The following ADK variants were observed in gnomAD, a reference collection of about 807,000 sequenced individuals.
ADK encodes the protein N6,N6-dimethyladenosine kinase.
A neutral mutation model predicts 44.7 loss-of-function variants in ADK; 24 were observed. The ratio of observed to expected loss-of-function variants is 0.54; its 90% CI spans 0.39 to 0.76. ADK has a LOEUF of 0.76. Among genes scored for constraint, ADK ranks in the 30% least tolerant of loss-of-function variants. The pLI, the probability that ADK is intolerant of heterozygous loss-of-function variation, is 0.00. For synonymous variants in ADK, 128 were observed against 142.6 expected (o/e 0.90, Z 0.73); for missense variants, 321 against 425.1 (o/e 0.76, Z 2.15).
chr10:74,483,674 C>T (rs1056526565), intron 6 of ADK, among the ~76,000 whole-genome samples: 1 of 152,202 alleles, frequency 6.6e-6, no homozygotes, highest in African/African-American at 2.4e-5. Flanking sequence ...AGACAGGATA[C>T]ATCTTGAATG....
At chr10:74,160,599 G>A (rs1218739598) in intron 1 of ADK, among the ~76,000 whole-genome samples, 2 of 152,168 alleles carry the variant, frequency 1.3e-5, no homozygotes, top group African/African-American at 4.8e-5. Context: ...CAGAGGTGGA[G>A]ATTTGGGCTG....
At chr10:74,605,426 C>T (rs1313456620) in intron 9 of ADK, among the ~76,000 whole-genome samples, 2 of 152,204 alleles carry the variant, frequency 1.3e-5, no homozygotes, top group African/African-American at 2.4e-5. Context: ...CCATCAATAC[C>T]TAGTTTTTTG....
intron 10 of ADK, among the ~76,000 whole-genome samples, chr10:74,690,930 C>T (rs1371088801): frequency 6.6e-6 from 1 of 152,142 alleles, no homozygotes; most frequent in Non-Finnish European, 1.5e-5. Flanking sequence ...TCTTTTGTTT[C>T]TTATAATAAA....
chr10:74,160,707 G>A (rs974284555), intron 1 of ADK, among the ~76,000 whole-genome samples: 4 of 149,908 alleles, frequency 2.7e-5, no homozygotes, highest in African/African-American at 9.9e-5. Flanking sequence ...GTGTGTGTGT[G>A]TGTGTGTGTG....
chr10:74,293,591 C>G (rs1316878515), intron 3 of ADK, among the ~76,000 whole-genome samples: 2 of 151,968 alleles, frequency 1.3e-5, no homozygotes, highest in South Asian at 4.1e-4. Flanking sequence ...TTTCTTATAT[C>G]TTATAGTTAC....
At chr10:74,306,993 C>T (rs1044282058) in intron 3 of ADK, among the ~76,000 whole-genome samples, 13 of 152,168 alleles carry the variant, frequency 8.5e-5, no homozygotes, top group Non-Finnish European at 1.3e-4. Flanking sequence ...TTGCTAAAAT[C>T]CCTACTGTTT....
intron 6 of ADK, chr10:74,506,028 A>C (rs1450791898): frequency 6.6e-6 from 1 of 152,214 alleles, no homozygotes; most frequent in African/African-American, 2.4e-5. Flanking sequence ...AAAAATGTCA[A>C]GCCATCCTTT....
rs1237335575 is a variant in ADK at position 74,685,747 on chromosome 10, T to C, written c.964+15478T>C. On this transcript the variant is annotated intron_variant, in intron 10 of 10. Coordinates refer to ENST00000539909, the MANE Select transcript of ADK (RefSeq NM_006721.4). ...TTATTCTATGCAATTTTCTTGAGAATGACAGCATGTGAGAGAGCTCGTTGG... is the reference window on the plus strand; with the variant it reads ...TTATTCTATGCAATTTTCTTGAGAACGACAGCATGTGAGAGAGCTCGTTGG... Among the ~76,000 whole-genome samples, 9 of 152,330 alleles carry C rather than the reference T, an allele frequency of 5.9e-5. No individual in the cohort carries two copies. The East Asian group carries it at 1.7e-3, about 29-fold the overall frequency.
intron 9 of ADK, among the ~76,000 whole-genome samples, chr10:74,666,086 GT>G (rs1854948415): frequency 6.6e-6 from 1 of 152,132 alleles, no homozygotes; most frequent in Non-Finnish European, 1.5e-5. Context: ...TTGTATTATT[GT>G]TCAATTAGAT....
At chr10:74,214,603 A>G (rs1843945696) in intron 2 of ADK, among the ~76,000 whole-genome samples, 1 of 152,208 alleles carries the variant, frequency 6.6e-6, no homozygotes, top group Non-Finnish European at 1.5e-5. Flanking sequence ...AGAACTTCAC[A>G]GTCTGTTCCT....
chr10:74,177,945 A>ATAT (rs10693309), intron 1 of ADK, among the ~76,000 whole-genome samples: 315 of 108,930 alleles, frequency 2.9e-3, no homozygotes, highest in African/African-American at 8.9e-3. Flanking sequence ...ATATATATAT[A>ATAT]TTTTTTTTTT....
At chr10:74,221,709 T>G (rs1844316353) in intron 2 of ADK, among the ~76,000 whole-genome samples, 1 of 145,494 alleles carries the variant, frequency 6.9e-6, no homozygotes, top group African/African-American at 2.6e-5. Flanking sequence ...CCCTCAGAAA[T>G]AACGCCGCAT....
intron 1 of ADK, among the ~76,000 whole-genome samples, chr10:74,167,717 A>G (rs1387202318): frequency 6.6e-6 from 1 of 152,214 alleles, no homozygotes; most frequent in Admixed American, 6.5e-5. Context: ...ACTATTGGTC[A>G]GAGGAGTTCC....
chr10:74,577,368 C>T (rs1168600060), intron 7 of ADK, among the ~76,000 whole-genome samples: 1 of 151,996 alleles, frequency 6.6e-6, no homozygotes, highest in Non-Finnish European at 1.5e-5. Flanking sequence ...ACACTCTGTA[C>T]ATAATTACTA....
intron 9 of ADK, among the ~76,000 whole-genome samples, chr10:74,617,605 TG>T (rs1016176939): frequency 1.3e-5 from 2 of 152,192 alleles, no homozygotes; most frequent in African/African-American, 4.8e-5. Flanking sequence ...GTTTTCTGTT[TG>T]TTTTTTTGAG....
intron 6 of ADK, among the ~76,000 whole-genome samples, chr10:74,404,033 C>T (rs140053748): frequency 2.0e-3 from 303 of 152,060 alleles, no homozygotes; most frequent in African/African-American, 6.8e-3. Flanking sequence ...CCACCATGCC[C>T]GGCTAATTTT....
intron 6 of ADK, among the ~76,000 whole-genome samples, chr10:74,475,138 C>A (rs1255434856): frequency 2.0e-5 from 3 of 151,308 alleles, no homozygotes; most frequent in African/African-American, 7.3e-5. Flanking sequence ...AAACAAAAAA[C>A]AAAGCAAACA....
intron 8 of ADK, among the ~76,000 whole-genome samples, chr10:74,590,242 A>G (rs1303540881): frequency 6.6e-6 from 1 of 152,120 alleles, no homozygotes; most frequent in East Asian, 1.9e-4. Flanking sequence ...ATTTAATCTA[A>G]CCACAGCCGA....
At chr10:74,191,803 T>A (rs1280487143) in intron 1 of ADK, among the ~76,000 whole-genome samples, 1 of 152,216 alleles carries the variant, frequency 6.6e-6, no homozygotes, top group Admixed American at 6.5e-5. Flanking sequence ...TGTTTTTAAT[T>A]GAGGAGGTGG....
Sources: allele counts gnomAD v4.1 joint callset (sites outside exome capture counted in the v4.1 genomes callset), GRCh38; gene constraint gnomAD v4.1.1; transcripts MANE v1.5; gene names NCBI Gene and HGNC (gene_info 2026-07-23, HGNC 2026-07-21).